HTR3A: variants seen among roughly 807,000 people sequenced by gnomAD.
HTR3A encodes the protein 5-hydroxytryptamine receptor 3A, also known as 5-hydroxytryptamine (serotonin) receptor 3A, ionotropic.
In HTR3A, 45 loss-of-function variants were observed where a neutral mutation model predicts 54.8. That is an observed-to-expected ratio of 0.82 (90% confidence interval 0.65 to 1.05). HTR3A has a LOEUF of 1.05. Ranked by LOEUF, HTR3A falls within the 50% of genes least tolerant of loss-of-function variation. The pLI is 0.00. For synonymous variants in HTR3A, 297 were observed against 256.0 expected (o/e 1.16, Z -1.53); for missense variants, 657 against 614.0 (o/e 1.07, Z -0.74).
At position 113,989,659 on chromosome 11, in the gene HTR3A, G is replaced by A. The variant is rs34111946; in HGVS notation, c.1333G>A (p.Val445Met). Residue 445 changes from valine (V) to methionine (M), a missense_variant, in exon 9 of 9, where the codon GTG becomes ATG. Coordinates refer to ENST00000504030, the MANE Select transcript of HTR3A (RefSeq NM_000869.6). The surrounding 1 kb of genome is among the most constrained non-coding windows in gnomAD (Gnocchi z 4.4). ...AGAGGTGGCCCGAGACTGGCTGCGC[G>A]TGGGCTCCGTGCTGGACAAGCTGCT... The part of the protein sequence containing the change: ...IREVARDWLR[V>M]GSVLDKLLFH... The A allele has an allele frequency of 4.2e-5, 67 of 1,614,200 alleles. No individual in the cohort carries two copies. The African/African-American group carries it at 5.2e-4, about 13-fold the overall frequency.
intron 3 of HTR3A, 162 bp from the exon 4 acceptor site, chr11:113,981,041 T>C: frequency 3.1e-6 from 2 of 650,242 alleles, no homozygotes; most frequent in Non-Finnish European, 2.8e-6. Context: ...GTGGGGGGAC[T>C]CTCAGTTACT....
chr11:113,977,473 C>T, intron 1 of HTR3A: 1 of 1,528,912 alleles, frequency 6.5e-7, no homozygotes, highest in South Asian at 1.2e-5. Context: ...CTCCGACCTT[C>T]TTAGCCCTCA....
Position 113,989,704 on chromosome 11 carries a change from G to T in HTR3A, c.1378G>T (p.Ala460Ser). ...DKLLFHIYLL[A>S]VLAYSITLVM... Reference sequence around the variant, plus strand: ...GCTGCTATTCCACATTTACCTGCTAGCGGTGCTGGCCTACAGCATCACCCT... The same window carrying T: ...GCTGCTATTCCACATTTACCTGCTATCGGTGCTGGCCTACAGCATCACCCT... Residue 460 changes from alanine to serine, a missense_variant, in exon 9 of 9, where the codon GCG becomes TCG. Physicochemically the swap from Ala to Ser is moderately conservative, Grantham distance 99. Coordinates refer to ENST00000504030, the MANE Select transcript of HTR3A (RefSeq NM_000869.6). The surrounding 1 kb of genome is among the most constrained non-coding windows in gnomAD (Gnocchi z 4.4). The T allele has an allele frequency of 1.2e-6, 2 of 1,613,848 alleles. No individual in the cohort carries two copies. Among genetic ancestry groups the T allele is most frequent in the Non-Finnish European group, 1.7e-6 (2 of 1,180,020 alleles).
chr11:113,990,210 C>T lies in HTR3A; in HGVS notation c.*447C>T, dbSNP rs138370413. ...ACTCTGTACGAGGCTTCTCTAACCC[C>T]TAGTGTCTTTTTTTTCTTCACCTCA... is the stretch of plus-strand genomic sequence containing the variant. On this transcript the variant is annotated 3_prime_UTR_variant, in exon 9 of 9. Transcript: ENST00000504030. 54 of 455,802 alleles carry T rather than the reference C, an allele frequency of 1.2e-4. No homozygotes were observed. The highest frequency in any genetic ancestry group is 7.6e-4 in the East Asian group (11 of 14,436). 28.2% of individuals were successfully genotyped at this position (455,802 alleles called of 1,614,324 possible). A position where few individuals can be genotyped will look rare whatever the true frequency, so the allele number is the denominator to read the frequency against.
intron 4 of HTR3A, among the ~76,000 whole-genome samples, chr11:113,982,387 C>T (rs1243154641): frequency 6.6e-6 from 1 of 152,152 alleles, no homozygotes; most frequent in African/African-American, 2.4e-5. Flanking sequence ...CTCTACATAG[C>T]TCAGGCTGGA....
In HTR3A at chr11:113,983,176, A is replaced by G; in HGVS notation, c.431A>G (p.Glu144Gly). Reference sequence around the variant, plus strand: ...TACGTGTATATTCGGCATCAAGGCGAAGTTCAGAACTACAAGCCCCTTCAG... The same window carrying G: ...TACGTGTATATTCGGCATCAAGGCGGAGTTCAGAACTACAAGCCCCTTCAG... Reference protein sequence around the residue: ...IPYVYIRHQGEVQNYKPLQVV... With the variant: ...IPYVYIRHQGGVQNYKPLQVV... The change falls in exon 5 of 9, where the codon GAA becomes GGA. Residue 144 changes from glutamate to glycine, a missense_variant. Transcript: ENST00000504030. 1 of 1,614,242 alleles carries G rather than the reference A, an allele frequency of 6.2e-7. No homozygotes were observed. The highest frequency in any genetic ancestry group is 8.5e-7 in the Non-Finnish European group (1 of 1,180,032).
In HTR3A at chr11:113,990,026, A is replaced by G; in HGVS notation, c.*263A>G. 1.6e-6 allele frequency: 1 copy of G among 632,840 alleles called. No individual in the cohort carries two copies. The highest frequency in any genetic ancestry group is 2.9e-6 in the Non-Finnish European group (1 of 342,848). 39.2% of individuals were successfully genotyped at this position (632,840 alleles called of 1,614,324 possible). On this transcript the variant is annotated 3_prime_UTR_variant, in exon 9 of 9. Transcript: ENST00000504030. Reference sequence around the variant, plus strand: ...CCATGGCTTTAAAACATGCTGTCTTAGATCAGGAGAAACTCGGGCACTCCC... The same window carrying G: ...CCATGGCTTTAAAACATGCTGTCTTGGATCAGGAGAAACTCGGGCACTCCC...
intron 5 of HTR3A, 96 bp downstream of exon 5, chr11:113,983,385 C>T: frequency 7.8e-7 from 1 of 1,279,634 alleles, no homozygotes; most frequent in Non-Finnish European, 1.1e-6. Flanking sequence ...TCTCACGTAT[C>T]CAGCCTACTA....
rs905420551 is a variant in HTR3A, at chr11:113,989,427, G to A, written c.1139-38G>A. On this transcript the variant is annotated intron_variant, in intron 8 of 8. Transcript: ENST00000504030. This position sits in a 1 kb window ranked among gnomAD's most constrained non-coding sequence, Gnocchi z 4.4. Reference sequence around the variant, plus strand: ...GAACCATGTTCAGGTCACCACCCGGGGTCTCCCTCTCTTGCCAATGCCCTG... The same window carrying A: ...GAACCATGTTCAGGTCACCACCCGGAGTCTCCCTCTCTTGCCAATGCCCTG... 1 of 1,611,652 alleles carries A rather than the reference G, an allele frequency of 6.2e-7. No individual in the cohort carries two copies. The highest frequency in any genetic ancestry group is 8.5e-7 in the Non-Finnish European group (1 of 1,178,744).
In HTR3A at chr11:113,986,815, G is replaced by T; in HGVS notation, c.917-10G>T. 1 of 1,614,056 alleles carries T rather than the reference G, an allele frequency of 6.2e-7. No individual in the cohort carries two copies. The highest frequency in any genetic ancestry group is 8.5e-7 in the Non-Finnish European group (1 of 1,180,014). On this transcript the variant is annotated splice_polypyrimidine_tract_variant and intron_variant, in intron 7 of 8. Coordinates refer to ENST00000504030, the MANE Select transcript of HTR3A (RefSeq NM_000869.6). The stretch of plus-strand genomic sequence containing the variant: ...GCATGTGTCTCTTGCCTCTGCCCTG[G>T]GCTGCACAGGTGTCTACTTTGTGGT...
intron 4 of HTR3A, among the ~76,000 whole-genome samples, chr11:113,982,708 G>A (rs1950436110): frequency 6.6e-6 from 1 of 152,198 alleles, no homozygotes; most frequent in African/African-American, 2.4e-5. Context: ...AGTCAGGATG[G>A]AACACAAGAT....
rs771908921 is a variant in HTR3A at position 113,989,543 on chromosome 11, C to G, written c.1217C>G (p.Pro406Arg). The G allele has an allele frequency of 9.9e-6, 16 of 1,614,086 alleles. No homozygotes were observed. The highest frequency in any genetic ancestry group is 1.4e-5 in the Non-Finnish European group (16 of 1,180,052). Residue 406 changes from proline to arginine, a missense_variant, in exon 9 of 9, where the codon CCA becomes CGA. Transcript: ENST00000504030. This position sits in a 1 kb window ranked among gnomAD's most constrained non-coding sequence, Gnocchi z 4.4. ...KSPRDRCSPP[P>R]PPREASLAVC... ...CCGAGGGACAGATGTAGCCCTCCCC[C>G]ACCACCTCGGGAGGCCTCGCTGGCG...
intron 8 of HTR3A, among the ~76,000 whole-genome samples, chr11:113,988,521 G>A (rs1950518218): frequency 6.6e-6 from 1 of 152,172 alleles, no homozygotes; most frequent in Non-Finnish European, 1.5e-5. Context: ...CCAGCACTTT[G>A]GGAGGCCAAG....
At chr11:113,975,699 C>T (rs145626210) in intron 1 of HTR3A, among the ~76,000 whole-genome samples, 1,970 of 152,180 alleles carry the variant, frequency 0.013, 20 homozygotes, top group Non-Finnish European at 0.023. Context: ...TCCTTTTTGT[C>T]CTTTCCCTAA....
Position 113,975,233 on chromosome 11 carries a change from T to C in HTR3A, c.-93T>C. The C allele has an allele frequency of 1.6e-6, 2 of 1,240,398 alleles. No homozygotes were observed. Among genetic ancestry groups the C allele is most frequent in the Non-Finnish European group, 2.3e-6 (2 of 858,462 alleles). 76.8% of individuals were successfully genotyped at this position (1,240,398 alleles called of 1,614,324 possible). The stretch of plus-strand genomic sequence containing the variant: ...CAGTGGCCACGAGAGGCAGGCTGGC[T>C]GGGACATGAGGTTGGCAGAGGGCAG... On this transcript the variant is annotated 5_prime_UTR_variant, in exon 1 of 9. Transcript: ENST00000504030.
chr11:113,977,351 T>G, intron 1 of HTR3A: 3 of 596,578 alleles, frequency 5.0e-6, no homozygotes. Flanking sequence ...TTAGAAATTG[T>G]GCACTTGGGG....
chr11:113,977,719 C>G (rs900623127), intron 1 of HTR3A, 52 bp from the exon 2 acceptor site: 2 of 1,597,926 alleles, frequency 1.3e-6, no homozygotes, highest in East Asian at 4.5e-5. Flanking sequence ...ACAAGAGAAC[C>G]GGGGGAAGTC....
In HTR3A at chr11:113,989,997, C is replaced by T. The variant is rs535631230; in HGVS notation, c.*234C>T. On this transcript the variant is annotated 3_prime_UTR_variant, in exon 9 of 9. Transcript: ENST00000504030. This position sits in a 1 kb window ranked among gnomAD's most constrained non-coding sequence, Gnocchi z 4.4. ...TACACCCTTGTCCCACCCCCAGCAG[C>T]TCACCATGGCTTTAAAACATGCTGT... is the stretch of plus-strand genomic sequence containing the variant. 20 of 677,982 alleles carry T rather than the reference C, an allele frequency of 2.9e-5. No individual in the cohort carries two copies. The African/African-American group carries it at 3.2e-4, about 11-fold the overall frequency. 42.0% of individuals were successfully genotyped at this position (677,982 alleles called of 1,614,324 possible). A position where few individuals can be genotyped will look rare whatever the true frequency, so the allele number is the denominator to read the frequency against.
At position 113,981,273 on chromosome 11, in the gene HTR3A, C is replaced by T. The variant is rs751173809; in HGVS notation, c.335C>T (p.Thr112Met). ...AACATCACCAAGTTGTCCATCCCCA[C>T]GGACAGCATCTGGGTCCCGGACATT... The part of the protein sequence containing the change: ...FDNITKLSIP[T>M]DSIWVPDILI... The change falls in exon 4 of 9, where the codon ACG becomes ATG. Residue 112 changes from threonine (T) to methionine (M), a missense_variant. Thr to Met is a moderately conservative substitution (Grantham distance 81). Transcript: ENST00000504030. 67 of 1,613,284 alleles carry T rather than the reference C, an allele frequency of 4.2e-5. No homozygotes were observed. The highest frequency in any genetic ancestry group is 1.6e-4 in the Middle Eastern group (1 of 6,080).
Sources: gnomAD v4.1 joint callset for allele counts (sites outside exome capture counted in the v4.1 genomes callset) on GRCh38, gnomAD v4.1.1 for gene constraint, Gnocchi (gnomAD v3.1) non-coding constraint, MANE v1.5 for transcripts, NCBI Gene and HGNC (gene_info 2026-07-23, HGNC 2026-07-21) for gene names.